Variants in NEBL observed in about 807,000 individuals in gnomAD.
NEBL encodes the protein nebulette, also known as LIM and SH3 protein 2.
A neutral mutation model predicts 140.2 loss-of-function variants in NEBL; 122 were observed. The observed-to-expected ratio is 0.87, with a 90% CI of 0.75 to 1.01. The LOEUF is 1.01. Ranked by LOEUF, NEBL falls within the 50% of genes least tolerant of loss-of-function variation. The probability of loss-of-function intolerance (pLI) is 0.00; values close to 1 mark genes in which losing one functional copy is unlikely to be tolerated. For missense variants in NEBL, 1,365 were observed against 1,231.3 expected (o/e 1.11, Z -1.62); for synonymous variants, 436 against 398.9 (o/e 1.09, Z -1.11).
intron 2 of NEBL, among the ~76,000 whole-genome samples, chr10:21,108,605 G>A (rs1460388720): frequency 1.3e-5 from 2 of 152,190 alleles, no homozygotes; most frequent in African/African-American, 4.8e-5. Context: ...TTTAGAATAA[G>A]TGTGATGTGG....
intron 26 of NEBL, among the ~76,000 whole-genome samples, chr10:20,803,812 A>ATATATAT (rs1564338203): frequency 4.2e-5 from 6 of 143,562 alleles, no homozygotes; most frequent in African/African-American, 1.5e-4. Flanking sequence ...CTGTACGAAA[A>ATATATAT]ATATATATAT....
chr10:20,815,040 TGGATA>T (rs1564348296), intron 22 of NEBL, among the ~76,000 whole-genome samples: 3 of 152,216 alleles, frequency 2.0e-5, no homozygotes. Flanking sequence ...GTGTAAGATA[TGGATA>T]CCACTTACTG....
intron 3 of NEBL, among the ~76,000 whole-genome samples, chr10:20,982,203 A>G (rs751538155): frequency 5.9e-5 from 9 of 151,456 alleles, no homozygotes; most frequent in Non-Finnish European, 8.8e-5. Flanking sequence ...TGCATCGTGT[A>G]GTTACAGAAA....
At chr10:20,896,909 T>C (rs538905927) in intron 2 of NEBL, 49 bp downstream of exon 2, 2 of 1,449,880 alleles carry the variant, frequency 1.4e-6, no homozygotes, top group Non-Finnish European at 1.9e-6. Context: ...AACATAATAA[T>C]ACCACAGGTG....
At chr10:20,791,932 C>A (rs1836027355) in intron 26 of NEBL, among the ~76,000 whole-genome samples, 1 of 152,020 alleles carries the variant, frequency 6.6e-6, no homozygotes, top group Non-Finnish European at 1.5e-5. Context: ...CAACAACTAT[C>A]TAAAACAGAT....
intron 3 of NEBL, among the ~76,000 whole-genome samples, chr10:20,978,069 C>G (rs1264532495): frequency 6.6e-6 from 1 of 152,066 alleles, no homozygotes; most frequent in Non-Finnish European, 1.5e-5. Flanking sequence ...GCTCTGGGCT[C>G]CTAACGCTTC....
At chr10:21,273,416 G>C (rs1842881954) in intron 1 of NEBL, among the ~76,000 whole-genome samples, 1 of 152,130 alleles carries the variant, frequency 6.6e-6, no homozygotes, top group South Asian at 2.1e-4. Context: ...CGGGACAGAG[G>C]GTATTCCAAG....
At chr10:21,092,614 TAA>T (rs1216050652) in intron 2 of NEBL, among the ~76,000 whole-genome samples, 2 of 148,728 alleles carry the variant, frequency 1.3e-5, no homozygotes, top group African/African-American at 2.4e-5. Context: ...ATAATAATAA[TAA>T]TAATAATAAT....
At position 21,082,634 on chromosome 10, in the gene NEBL, C is replaced by T. The variant is rs144424778; in HGVS notation, c.165-62433G>A. 8.7e-4 allele frequency among the ~76,000 whole-genome samples: 132 copies of T among 151,544 alleles called. 1 individual carries two copies. Among genetic ancestry groups the T allele is most frequent in the African/African-American group, 2.7e-3 (110 of 41,118 alleles). ...AATGGGCTATTTCCTCACCTAATTC[C>T]GATGCCCATTTTGATCCTATACCAG... On this transcript the variant is annotated intron_variant, in intron 2 of 6. Coordinates refer to the NEBL transcript ENST00000417816.
intron 2 of NEBL, among the ~76,000 whole-genome samples, chr10:21,148,348 T>TTA (rs1377368373): frequency 6.6e-6 from 1 of 152,176 alleles, no homozygotes; most frequent in Admixed American, 6.5e-5. Flanking sequence ...ATCTCTTCTG[T>TTA]TAAAGTATGT....
At chr10:21,264,691 C>T (rs1302700111) in intron 1 of NEBL, among the ~76,000 whole-genome samples, 2 of 93,828 alleles carry the variant, frequency 2.1e-5, no homozygotes, top group South Asian at 3.9e-4. Context: ...GTTCCAGTTG[C>T]TATTTAAAAA....
At chr10:21,054,098 A>AAAATGGG (rs1321021401) in intron 2 of NEBL, among the ~76,000 whole-genome samples, 51 of 152,310 alleles carry the variant, frequency 3.3e-4, no homozygotes, top group African/African-American at 1.1e-3. Context: ...GGCAAAATGG[A>AAAATGGG]CAAAATAGGA....
At chr10:20,800,269 T>G (rs1471714069) in intron 26 of NEBL, among the ~76,000 whole-genome samples, 1 of 152,150 alleles carries the variant, frequency 6.6e-6, no homozygotes, top group Non-Finnish European at 1.5e-5. Flanking sequence ...TAATGTCCTC[T>G]AGTTCCACCC....
chr10:21,216,228 C>T (rs1259767226), intron 3 of NEBL, among the ~76,000 whole-genome samples: 2 of 152,186 alleles, frequency 1.3e-5, no homozygotes, highest in Non-Finnish European at 2.9e-5. Flanking sequence ...AATATACACC[C>T]CCAACCTGAC....
intron 3 of NEBL, among the ~76,000 whole-genome samples, chr10:21,197,276 T>C (rs1487270207): frequency 6.6e-5 from 10 of 152,246 alleles, no homozygotes. Context: ...CTGGCATTTG[T>C]ATATTTAAAA....
intron 1 of NEBL, among the ~76,000 whole-genome samples, chr10:21,288,641 A>T (rs1487197478): frequency 1.4e-5 from 2 of 148,136 alleles, no homozygotes; most frequent in Non-Finnish European, 3.0e-5. Context: ...GACACCTGTA[A>T]TCCCAGCTAC....
rs557155655 is a variant in NEBL at position 20,844,536 on chromosome 10, G to A, written c.1227+722C>T. 6.0e-5 allele frequency among the ~76,000 whole-genome samples: 9 copies of A among 150,648 alleles called. No individual in the cohort carries two copies. In the South Asian group the frequency reaches 1.7e-3, roughly 28 times the overall value. On this transcript the variant is annotated intron_variant, in intron 12 of 27. Transcript: ENST00000377122. ...CATAAAAAAAAAAAAGCTTTTAAAG[G>A]TGGACTATAGACATGATATTTTTAG...
intron 2 of NEBL, among the ~76,000 whole-genome samples, chr10:21,038,908 C>G (rs1023294486): frequency 5.9e-5 from 9 of 152,152 alleles, no homozygotes; most frequent in African/African-American, 2.2e-4. Context: ...ACCATTCAAA[C>G]TGGCGTGAGA....
chr10:20,870,011 C>A (rs1170285231), intron 5 of NEBL, among the ~76,000 whole-genome samples, 170 bp from the exon 6 acceptor site: 1 of 152,000 alleles, frequency 6.6e-6, no homozygotes, highest in Non-Finnish European at 1.5e-5. Flanking sequence ...ACTCTTTATA[C>A]TATACCTATG....
Sources: gnomAD v4.1 joint callset for allele counts (sites outside exome capture counted in the v4.1 genomes callset) on GRCh38, gnomAD v4.1.1 for gene constraint, MANE v1.5 for transcripts, NCBI Gene and HGNC (gene_info 2026-07-23, HGNC 2026-07-21) for gene names.